PCDH19: variants seen among roughly 807,000 people sequenced by gnomAD.
PCDH19 encodes protocadherin 19, also known as protocadherin-19.
A neutral mutation model predicts 46.2 loss-of-function variants in PCDH19; 6 were observed. The ratio of observed to expected loss-of-function variants is 0.13; its 90% CI spans 0.07 to 0.26. PCDH19 has a LOEUF of 0.26. Among genes scored for constraint, PCDH19 ranks in the 10% least tolerant of loss-of-function variants. The pLI is 1.00. For synonymous variants in PCDH19, 481 were observed against 415.7 expected (o/e 1.16, Z -1.91); for missense variants, 740 against 972.3 (o/e 0.76, Z 3.18).
In PCDH19 at chrX:100,294,794, T is replaced by C. The variant is rs1043018044; in HGVS notation, c.*1483A>G. Reference sequence around the variant, plus strand: ...TACTATGTTGGCTAGTGAATATTAATAGACAAAAGATAAATGGGGGAGTTA... The same window carrying C: ...TACTATGTTGGCTAGTGAATATTAACAGACAAAAGATAAATGGGGGAGTTA... On this transcript the variant is annotated 3_prime_UTR_variant, in exon 6 of 6. Transcript: ENST00000373034. 2 of 111,991 alleles carry C rather than the reference T, an allele frequency of 1.8e-5. No homozygotes were observed. The highest frequency in any genetic ancestry group is 3.3e-5 in the African/African-American group (1 of 30,739). 9.2% of individuals were successfully genotyped at this position (111,991 alleles called of 1,213,427 possible).
At chrX:100,401,758 T>C (rs1928190279) in intron 3 of PCDH19, among the ~76,000 whole-genome samples, 1 of 111,741 alleles carries the variant, frequency 8.9e-6, no homozygotes, top group African/African-American at 3.2e-5. Context: ...TTACTCTTTT[T>C]TTTTTTCGTT....
At chrX:100,397,003 T>C (rs188681356) in intron 3 of PCDH19, among the ~76,000 whole-genome samples, 1 of 112,084 alleles carries the variant, frequency 8.9e-6, no homozygotes, top group Non-Finnish European at 1.9e-5. Flanking sequence ...AGACGCGCAC[T>C]AAAGGGTTTG....
chrX:100,391,078 G>T (rs1927848792), intron 3 of PCDH19, among the ~76,000 whole-genome samples: 1 of 111,679 alleles, frequency 9.0e-6, no homozygotes, highest in Non-Finnish European at 1.9e-5. Context: ...ATAAAAAGCT[G>T]CTTATTTCCA....
intron 3 of PCDH19, among the ~76,000 whole-genome samples, chrX:100,354,271 TGAA>T (rs760092381): frequency 8.9e-6 from 1 of 112,082 alleles, no homozygotes; most frequent in Non-Finnish European, 1.9e-5. Context: ...CAGATCATCC[TGAA>T]GAAGGAAATA....
intron 5 of PCDH19, among the ~76,000 whole-genome samples, chrX:100,338,016 A>G (rs916894614): frequency 2.0e-4 from 22 of 111,727 alleles, no homozygotes; most frequent in South Asian, 3.7e-4. Context: ...CTTCCTAGTG[A>G]CTAAATACCT....
intron 5 of PCDH19, among the ~76,000 whole-genome samples, chrX:100,314,547 AG>A (rs1925238004): frequency 8.9e-6 from 1 of 112,193 alleles, no homozygotes; most frequent in Non-Finnish European, 1.9e-5. Context: ...AGAAAGTAAA[AG>A]GTTATGCTCA....
chrX:100,322,389 G>T (rs763537082), intron 5 of PCDH19, among the ~76,000 whole-genome samples: 7 of 110,826 alleles, frequency 6.3e-5, no homozygotes, highest in African/African-American at 2.3e-4. Context: ...AAGTATTTGG[G>T]TTTATTTCTG....
At chrX:100,371,213 T>A (rs1927215543) in intron 3 of PCDH19, among the ~76,000 whole-genome samples, 1 of 111,877 alleles carries the variant, frequency 8.9e-6, no homozygotes, top group Non-Finnish European at 1.9e-5. Flanking sequence ...CCTACTAGAA[T>A]CCAGGGATAC....
intron 3 of PCDH19, among the ~76,000 whole-genome samples, chrX:100,356,974 T>A (rs1446097694): frequency 1.8e-5 from 2 of 111,645 alleles, no homozygotes; most frequent in Non-Finnish European, 3.8e-5. Context: ...GGACTCCATG[T>A]TGCCTTCAAG....
chrX:100,361,350 C>T (rs1035661245), intron 3 of PCDH19, among the ~76,000 whole-genome samples: 48 of 111,794 alleles, frequency 4.3e-4, no homozygotes, highest in African/African-American at 1.6e-3. Context: ...AACTACTAAA[C>T]CTTAGAAAAA....
At chrX:100,396,902 C>T (rs1231420922) in intron 3 of PCDH19, among the ~76,000 whole-genome samples, 2 of 112,125 alleles carry the variant, frequency 1.8e-5, no homozygotes, top group Non-Finnish European at 3.8e-5. Context: ...CATTGTTTCT[C>T]ATTGCTTTCT....
At chrX:100,357,958 A>C (rs1019486426) in intron 3 of PCDH19, among the ~76,000 whole-genome samples, 9 of 112,214 alleles carry the variant, frequency 8.0e-5, no homozygotes, top group Non-Finnish European at 1.3e-4. Context: ...GCAGGTGACG[A>C]AGTTTATTAG....
chrX:100,313,810 A>G (rs957735885), intron 5 of PCDH19, among the ~76,000 whole-genome samples: 2 of 108,719 alleles, frequency 1.8e-5, no homozygotes, highest in African/African-American at 6.7e-5. Context: ...ATGCAGAATT[A>G]TATTTTAAAA....
intron 1 of PCDH19, among the ~76,000 whole-genome samples, chrX:100,405,353 C>G (rs190652259): frequency 9.0e-6 from 1 of 111,589 alleles, no homozygotes. Flanking sequence ...TCAACTGTTT[C>G]GATGAGACAC....
At chrX:100,311,058 C>T (rs1031087649) in intron 5 of PCDH19, among the ~76,000 whole-genome samples, 2 of 109,227 alleles carry the variant, frequency 1.8e-5, no homozygotes, top group African/African-American at 6.7e-5. Context: ...GTTGCTCAGG[C>T]TGGTCTCAAA....
rs771965879 is a variant in PCDH19, at chrX:100,323,249, T to C, written c.2848+18654A>G. On this transcript the variant is annotated intron_variant, in intron 5 of 5. Coordinates refer to ENST00000373034, the MANE Select transcript of PCDH19 (RefSeq NM_001184880.2). Reference sequence around the variant, plus strand: ...CTGAGCTAGTTAGGCACACCAGCTATTTCCTTCCATCTCATAGTAATACTT... The same window carrying C: ...CTGAGCTAGTTAGGCACACCAGCTACTTCCTTCCATCTCATAGTAATACTT... 8.1e-5 allele frequency among the ~76,000 whole-genome samples: 9 copies of C among 111,144 alleles called. No homozygotes were observed. The East Asian group carries it at 2.0e-3, about 25-fold the overall frequency.
Position 100,307,450 on chromosome X carries a change from C to T in PCDH19, c.2849-10575G>A, listed in dbSNP as rs1378372013. Among the ~76,000 whole-genome samples the T allele has an allele frequency of 9.0e-5, 10 of 111,199 alleles. No individual in the cohort carries two copies. In the South Asian group the frequency reaches 1.5e-3, roughly 17 times the overall value. On this transcript the variant is annotated intron_variant, in intron 5 of 5. Coordinates refer to ENST00000373034, the MANE Select transcript of PCDH19 (RefSeq NM_001184880.2). ...CCACAGCCAACATTATACTGAATGG[C>T]GAAAAGTTGAAAGCATTCCCCCTGA...
intron 1 of PCDH19, among the ~76,000 whole-genome samples, chrX:100,406,094 T>C (rs892125170): frequency 7.2e-5 from 8 of 110,543 alleles, no homozygotes; most frequent in Non-Finnish European, 1.3e-4. Context: ...TGGTAGTTGG[T>C]GGTTTTCCTA....
At chrX:100,334,785 G>C (rs1926033850) in intron 5 of PCDH19, among the ~76,000 whole-genome samples, 1 of 108,629 alleles carries the variant, frequency 9.2e-6, no homozygotes, top group Non-Finnish European at 1.9e-5. Flanking sequence ...TGTATAGTGT[G>C]TGTGTGCATG....
Sources: allele counts gnomAD v4.1 joint callset (sites outside exome capture counted in the v4.1 genomes callset), GRCh38; gene constraint gnomAD v4.1.1; transcripts MANE v1.5; gene names NCBI Gene and HGNC (gene_info 2026-07-23, HGNC 2026-07-21).